Variants in ACTR3 observed in about 807,000 individuals in gnomAD.
ACTR3 encodes the protein actin-related protein 3.
Under a neutral mutation model 56.8 loss-of-function variants are expected in ACTR3, and 12 were observed. That is an observed-to-expected ratio of 0.21 (90% CI 0.14 to 0.34). The LOEUF (loss-of-function observed/expected upper bound fraction) is 0.34, where lower values mean the gene tolerates loss of function less well. ACTR3 is among the 10% of genes least tolerant of loss of function. The pLI, the probability that ACTR3 is intolerant of heterozygous loss-of-function variation, is 1.00. For missense variants in ACTR3, 282 were observed against 512.5 expected (o/e 0.55, Z 4.34); for synonymous variants, 162 against 167.4 (o/e 0.97, Z 0.25).
At chr2:113,950,754 A>T (rs2104628135) in intron 8 of ACTR3, 1 of 152,368 alleles carries the variant, frequency 6.6e-6, no homozygotes, top group Admixed American at 6.5e-5. Flanking sequence ...TGCATTTAAA[A>T]TTTTATTAGC....
chr2:113,951,912 G>A (rs961250495), intron 10 of ACTR3, 67 bp downstream of exon 10: 2 of 1,587,132 alleles, frequency 1.3e-6, no homozygotes, highest in African/African-American at 2.7e-5. Context: ...AGAAATATTT[G>A]CCAGCATTCA....
In ACTR3 at chr2:113,957,622, T is replaced by C. The variant is rs1680240287; in HGVS notation, c.*167T>C. 1 of 493,788 alleles carries C rather than the reference T, an allele frequency of 2.0e-6. No homozygotes were observed. The highest frequency in any genetic ancestry group is 2.9e-5 in the East Asian group (1 of 34,402). The allele number at this position is 493,788 out of a possible 1,614,324, so 30.6% of individuals were successfully genotyped here. On this transcript the variant is annotated 3_prime_UTR_variant, in exon 12 of 12. Transcript: ENST00000263238. ...TAATAAGTGTATCACCATGCAGATG[T>C]AGAAGAGAGCGAAAGTGATTGTGTT...
chr2:113,896,680 A>T (rs2104579665), intron 1 of ACTR3, among the ~76,000 whole-genome samples: 1 of 152,388 alleles, frequency 6.6e-6, no homozygotes, highest in East Asian at 1.9e-4. Flanking sequence ...GAGCATTCAG[A>T]GAGAAAAGAA....
intron 1 of ACTR3, among the ~76,000 whole-genome samples, chr2:113,911,874 T>G (rs1360805930): frequency 5.3e-5 from 8 of 151,786 alleles, no homozygotes; most frequent in Admixed American, 5.3e-4. Flanking sequence ...GTAGCTGGTA[T>G]TACAGGTGCC....
rs1474904042 is a variant in ACTR3 at position 113,959,880 on chromosome 2, GT to G, written c.*2431del. The G allele has an allele frequency of 6.6e-6, 1 of 151,890 alleles. No homozygotes were observed. Among genetic ancestry groups the G allele is most frequent in the African/African-American group, 2.4e-5 (1 of 41,380 alleles). The allele number at this position is 151,890 out of a possible 1,614,324, so 9.4% of individuals were successfully genotyped here. ...TTGATGATATAGCTCCTCGAACTTT[GT>G]TTTTTGTTAAAACTTGGAAAATATA... On this transcript the variant is annotated 3_prime_UTR_variant, in exon 12 of 12. Coordinates refer to ENST00000263238, the MANE Select transcript of ACTR3 (RefSeq NM_005721.5).
At chr2:113,952,837 A>G (rs1480915554) in intron 10 of ACTR3, 3 of 152,174 alleles carry the variant, frequency 2.0e-5, no homozygotes, top group Admixed American at 2.0e-4. Flanking sequence ...CTTCCCAACC[A>G]ACCAAACCAC....
chr2:113,907,601 A>G (rs1457342246), intron 1 of ACTR3, among the ~76,000 whole-genome samples: 1 of 152,200 alleles, frequency 6.6e-6, no homozygotes, highest in Admixed American at 6.5e-5. Flanking sequence ...GAAAATTGCA[A>G]GGGCTGTAGA....
At chr2:113,946,255 G>A (rs1680018014) in intron 8 of ACTR3, among the ~76,000 whole-genome samples, 1 of 152,032 alleles carries the variant, frequency 6.6e-6, no homozygotes, top group African/African-American at 2.4e-5. Flanking sequence ...CACCAAGAGA[G>A]TATAAGCGTT....
chr2:113,896,651 A>G (rs1679013830), intron 1 of ACTR3, among the ~76,000 whole-genome samples: 1 of 152,246 alleles, frequency 6.6e-6, no homozygotes, highest in Non-Finnish European at 1.5e-5. Context: ...TAATTTGTTA[A>G]CTGAAGCTAA....
At chr2:113,913,250 A>C in intron 2 of ACTR3, 23 bp downstream of exon 2, 1 of 1,528,960 alleles carries the variant, frequency 6.5e-7, no homozygotes, top group Non-Finnish European at 8.9e-7. Flanking sequence ...TTTAAGCCAC[A>C]AATGAGCTGA....
intron 11 of ACTR3, among the ~76,000 whole-genome samples, chr2:113,957,005 C>T (rs1283644485): frequency 1.3e-5 from 2 of 152,142 alleles, no homozygotes; most frequent in African/African-American, 4.8e-5. Flanking sequence ...TGTAGTTAGG[C>T]GAATGCCGCT....
chr2:113,890,220 C>G lies in ACTR3; in HGVS notation c.-60C>G. 1.9e-6 allele frequency: 3 copies of G among 1,549,944 alleles called. No homozygotes were observed. Among genetic ancestry groups the G allele is most frequent in the Non-Finnish European group, 2.6e-6 (3 of 1,145,554 alleles). On this transcript the variant is annotated 5_prime_UTR_variant, in exon 1 of 12. The change creates a new upstream start codon in the 5' untranslated region. Coordinates refer to ENST00000263238, the MANE Select transcript of ACTR3 (RefSeq NM_005721.5). ...ATAGCCCTTGTCTCCCGCCGCCAAT[C>G]TCTGGCCCCTAGCAGCACGGAGCAG...
chr2:113,953,945 G>A (rs1680165901), intron 10 of ACTR3: 1 of 152,110 alleles, frequency 6.6e-6, no homozygotes, highest in Non-Finnish European at 1.5e-5. Flanking sequence ...TACTTATTGT[G>A]TTGCTTCAGT....
intron 1 of ACTR3, among the ~76,000 whole-genome samples, chr2:113,901,455 A>G (rs951811549): frequency 3.9e-5 from 6 of 152,244 alleles, no homozygotes; most frequent in African/African-American, 1.4e-4. Flanking sequence ...TTATGGGAGT[A>G]GGCATTGGGA....
At chr2:113,921,418 A>C in intron 3 of ACTR3, among the ~76,000 whole-genome samples, 1 of 150,932 alleles carries the variant, frequency 6.6e-6, no homozygotes, top group East Asian at 1.9e-4. Context: ...GACCCATTCC[A>C]TAACTTGTAT....
At chr2:113,890,696 G>C in intron 1 of ACTR3, 1 of 1,126,658 alleles carries the variant, frequency 8.9e-7, no homozygotes, top group Non-Finnish European at 1.1e-6. Context: ...CTCCGCGCCC[G>C]TTTTTGCCAG....
At chr2:113,890,874 C>A in intron 1 of ACTR3, 1 of 814,744 alleles carries the variant, frequency 1.2e-6, no homozygotes, top group Non-Finnish European at 1.5e-6. Flanking sequence ...TACAGTGGGG[C>A]TTTCATTTGA....
Position 113,951,491 on chromosome 2 carries a change from G to T in ACTR3, c.871G>T (p.Asp291Tyr), listed in dbSNP as rs1163838520. The change falls in exon 9 of 12, where the codon GAC (aspartate) becomes TAC (tyrosine). Residue 291 changes from aspartate (D) to tyrosine (Y), a missense_variant. Coordinates refer to ENST00000263238, the MANE Select transcript of ACTR3 (RefSeq NM_005721.5). The part of the protein sequence containing the change: ...IFFHPEFANP[D>Y]FTQPISEVVD... ...ACTTATTTTTCAGTTTGCTAATCCA[G>T]ACTTTACACAACCTATCTCAGAAGT... 6.2e-7 allele frequency: 1 copy of T among 1,610,214 alleles called. No homozygotes were observed. Among genetic ancestry groups the T allele is most frequent in the Non-Finnish European group, 8.5e-7 (1 of 1,176,928 alleles).
intron 6 of ACTR3, 44 bp from the exon 7 acceptor site, chr2:113,939,915 C>G (rs775219342): frequency 7.8e-6 from 12 of 1,530,114 alleles, no homozygotes; most frequent in East Asian, 2.4e-5. Context: ...TATTAATTTT[C>G]AAAACATTGA....
Sources: allele counts gnomAD v4.1 joint callset (sites outside exome capture counted in the v4.1 genomes callset), GRCh38; gene constraint gnomAD v4.1.1; transcripts MANE v1.5; gene names NCBI Gene and HGNC (gene_info 2026-07-23, HGNC 2026-07-21).